Variants in ZBTB20 observed in about 807,000 individuals in gnomAD.
The protein encoded by ZBTB20 is zinc finger and BTB domain-containing protein 20.
In ZBTB20, 9 loss-of-function variants were observed where a neutral mutation model predicts 56.9. The observed-to-expected ratio is 0.16, with a 90% confidence interval of 0.10 to 0.28. The LOEUF (loss-of-function observed/expected upper bound fraction) is 0.28. ZBTB20 is among the 10% of genes least tolerant of loss of function. The pLI, the probability that ZBTB20 is intolerant of heterozygous loss-of-function variation, is 1.00. For missense variants in ZBTB20, 655 were observed against 1,003.0 expected (o/e 0.65, Z 4.69); for synonymous variants, 417 against 420.7 (o/e 0.99, Z 0.11).
intron 6 of ZBTB20, among the ~76,000 whole-genome samples, chr3:114,652,502 T>A (rs1034281961): frequency 3.9e-5 from 6 of 152,068 alleles, no homozygotes; most frequent in Admixed American, 3.9e-4. Context: ...TTTCATTATT[T>A]TTTGGTAAAT....
chr3:114,459,089 A>T lies in ZBTB20; in HGVS notation c.-255+41263T>A, dbSNP rs186627866. On this transcript the variant is annotated intron_variant, in intron 7 of 11. Transcript: ENST00000675478. Reference sequence around the variant, plus strand: ...ATTTATTATGCAGGAAGGTTTCTAGATCTTTGCTCCTTCAGCTTTTAGTTC... The same window carrying T: ...ATTTATTATGCAGGAAGGTTTCTAGTTCTTTGCTCCTTCAGCTTTTAGTTC... Among the ~76,000 whole-genome samples the T allele has an allele frequency of 2.0e-5, 3 of 152,310 alleles. No homozygotes were observed. The East Asian group carries it at 5.8e-4, about 29-fold the overall frequency.
intron 6 of ZBTB20, among the ~76,000 whole-genome samples, chr3:114,684,098 T>C (rs1273244052): frequency 1.3e-5 from 2 of 152,196 alleles, no homozygotes; most frequent in Admixed American, 1.3e-4. Context: ...ACTGTCCAGC[T>C]AAGAAAAATG....
intron 5 of ZBTB20, among the ~76,000 whole-genome samples, chr3:114,735,379 T>C (rs2066071562): frequency 6.6e-6 from 1 of 152,142 alleles, no homozygotes; most frequent in Non-Finnish European, 1.5e-5. Flanking sequence ...ATGAATCTCA[T>C]ATGGCTCCAG....
intron 4 of ZBTB20, among the ~76,000 whole-genome samples, chr3:114,872,369 T>A (rs192361018): frequency 4.6e-5 from 7 of 152,282 alleles, no homozygotes; most frequent in Admixed American, 4.6e-4. Flanking sequence ...TTGACTTGAA[T>A]TATAGTTGCA....
intron 5 of ZBTB20, among the ~76,000 whole-genome samples, chr3:114,717,556 A>G (rs1226294090): frequency 6.6e-6 from 1 of 152,162 alleles, no homozygotes; most frequent in Non-Finnish European, 1.5e-5. Flanking sequence ...AAAATGCCAC[A>G]TAAGAAAACA....
intron 6 of ZBTB20, among the ~76,000 whole-genome samples, chr3:114,558,476 T>C (rs760616839): frequency 7.9e-5 from 12 of 152,048 alleles, no homozygotes; most frequent in Admixed American, 4.6e-4. Flanking sequence ...GCCAAAGACA[T>C]AGGACATGCT....
intron 6 of ZBTB20, among the ~76,000 whole-genome samples, chr3:114,637,990 C>T (rs1453727929): frequency 1.3e-5 from 2 of 152,034 alleles, no homozygotes; most frequent in African/African-American, 4.8e-5. Context: ...ACTTCATTCC[C>T]TCATTCTTCC....
chr3:114,810,863 T>C (rs780785437), intron 4 of ZBTB20, among the ~76,000 whole-genome samples: 6 of 152,112 alleles, frequency 3.9e-5, no homozygotes, highest in African/African-American at 7.2e-5. Flanking sequence ...TACATGTGTA[T>C]AGAAAATCTT....
chr3:114,480,280 T>C (rs1049813602), intron 7 of ZBTB20, among the ~76,000 whole-genome samples: 11 of 152,168 alleles, frequency 7.2e-5, no homozygotes, highest in African/African-American at 2.7e-4. Flanking sequence ...AAAGTGTTTT[T>C]CAGCTGTTAA....
chr3:115,104,815 G>C (rs2083675920), intron 1 of ZBTB20, among the ~76,000 whole-genome samples: 1 of 152,162 alleles, frequency 6.6e-6, no homozygotes, highest in African/African-American at 2.4e-5. Context: ...CAGACCCACA[G>C]AAGGCACAAC....
At chr3:114,666,105 G>C (rs2061040755) in intron 6 of ZBTB20, among the ~76,000 whole-genome samples, 1 of 151,886 alleles carries the variant, frequency 6.6e-6, no homozygotes, top group South Asian at 2.1e-4. Context: ...GTACATCCAA[G>C]TCTCTAATCT....
At chr3:114,615,391 T>C (rs987572196) in intron 6 of ZBTB20, among the ~76,000 whole-genome samples, 4 of 152,124 alleles carry the variant, frequency 2.6e-5, no homozygotes, top group Non-Finnish European at 5.9e-5. Flanking sequence ...ATACCAAGAC[T>C]ACAGTACTAT....
At chr3:114,993,980 G>C (rs72960365) in intron 2 of ZBTB20, among the ~76,000 whole-genome samples, 1,620 of 151,798 alleles carry the variant, frequency 0.011, 33 homozygotes, top group African/African-American at 0.037. Flanking sequence ...TTAAGAAGAG[G>C]TGTAATATAT....
chr3:114,646,596 G>C (rs997888585), intron 6 of ZBTB20, among the ~76,000 whole-genome samples: 2 of 152,164 alleles, frequency 1.3e-5, no homozygotes, highest in African/African-American at 4.8e-5. Context: ...AGAGTTAGTT[G>C]ACTTTTCTAC....
chr3:114,582,416 A>G (rs1448818197), intron 6 of ZBTB20: 1 of 149,544 alleles, frequency 6.7e-6, no homozygotes, highest in African/African-American at 2.5e-5. Flanking sequence ...ACAGAGTCTC[A>G]CTCTGTCCAC....
intron 3 of ZBTB20, among the ~76,000 whole-genome samples, chr3:114,961,204 G>GTT (rs755775653): frequency 7.0e-6 from 1 of 143,034 alleles, no homozygotes; most frequent in Admixed American, 7.1e-5. Flanking sequence ...CACCATACTC[G>GTT]TTTTTTTTTT....
Position 114,753,344 on chromosome 3 carries a change from ATG to A in ZBTB20, c.-343+47755_-343+47756del, listed in dbSNP as rs1218007059. Among the ~76,000 whole-genome samples, 13 of 115,300 alleles carry A rather than the reference ATG, an allele frequency of 1.1e-4. 3 individuals carry two copies. The highest frequency in any genetic ancestry group is 1.0e-3 in the East Asian group (4 of 3,984). The allele number at this position is 115,300 out of a possible 152,430, so 75.6% of individuals were successfully genotyped here. The stretch of plus-strand genomic sequence containing the variant: ...GTATACCTGTATATATAATGTATAT[ATG>A]TATACATTATATATAATGTATATAT... On this transcript the variant is annotated intron_variant, in intron 5 of 11. Coordinates refer to ENST00000675478, the MANE Select transcript of ZBTB20 (RefSeq NM_001348800.3).
intron 5 of ZBTB20, among the ~76,000 whole-genome samples, chr3:114,723,482 C>T (rs2065056124): frequency 6.6e-6 from 1 of 152,186 alleles, no homozygotes; most frequent in Admixed American, 6.5e-5. Context: ...TCTTGTAATG[C>T]ATATGATATC....
chr3:115,130,486 A>C (rs2084472512), intron 1 of ZBTB20, among the ~76,000 whole-genome samples: 1 of 152,258 alleles, frequency 6.6e-6, no homozygotes, highest in Non-Finnish European at 1.5e-5. Flanking sequence ...AGGGATATCA[A>C]CTGCATGTCA....
Sources: gnomAD v4.1 joint callset for allele counts (sites outside exome capture counted in the v4.1 genomes callset) on GRCh38, gnomAD v4.1.1 for gene constraint, MANE v1.5 for transcripts, NCBI Gene and HGNC (gene_info 2026-07-23, HGNC 2026-07-21) for gene names.